The following CCDC60 variants were observed in gnomAD, a reference collection of about 807,000 sequenced individuals.
The protein encoded by CCDC60 is coiled-coil domain-containing protein 60.
A neutral mutation model predicts 63.5 loss-of-function variants in CCDC60; 54 were observed. The observed-to-expected ratio is 0.85, with a 90% confidence interval of 0.68 to 1.07. CCDC60 has a LOEUF of 1.07. Ranked by LOEUF, CCDC60 falls within the 50% of genes least tolerant of loss-of-function variation. CCDC60 has a pLI of 0.00. For synonymous variants in CCDC60, 206 were observed against 238.8 expected (o/e 0.86, Z 1.27); for missense variants, 651 against 684.3 (o/e 0.95, Z 0.54).
chr12:119,377,253 TCAAAAAA>T (rs1434950633), intron 1 of CCDC60, among the ~76,000 whole-genome samples: 26 of 32,110 alleles, frequency 8.1e-4, no homozygotes, highest in African/African-American at 2.5e-3. Flanking sequence ...ACACTCCATC[TCAAAAAA>T]AAAAAAAAAA....
intron 2 of CCDC60, among the ~76,000 whole-genome samples, chr12:119,445,056 C>G (rs1409167077): frequency 6.6e-6 from 1 of 152,104 alleles, no homozygotes; most frequent in East Asian, 1.9e-4. Flanking sequence ...CTTTACCATA[C>G]AACTGGAATA....
chr12:119,387,695 A>G (rs541721046), intron 1 of CCDC60, among the ~76,000 whole-genome samples: 26 of 152,312 alleles, frequency 1.7e-4, no homozygotes, highest in African/African-American at 6.3e-4. Flanking sequence ...ACAACTTCTT[A>G]AAACTTAAAT....
Position 119,491,489 on chromosome 12 carries a change from C to T in CCDC60, c.557+2623C>T, listed in dbSNP as rs905111947. 5.9e-5 allele frequency among the ~76,000 whole-genome samples: 9 copies of T among 152,062 alleles called. No homozygotes were observed. In the East Asian group the frequency reaches 7.7e-4, roughly 13 times the overall value. On this transcript the variant is annotated intron_variant, in intron 5 of 13. Transcript: ENST00000327554. ...GACTACAGGTGCCCGCCACCACGCC[C>T]GGCTAATTTTTTGTATTTTTAGTGG...
At position 119,531,071 on chromosome 12, in the gene CCDC60, C is replaced by A. The variant is rs557456692; in HGVS notation, c.1551+8C>A. Reference sequence around the variant, plus strand: ...ATCGCTGTGGCTATTGAGGTAAACACCACCTCCTTCCCCTCCACAGTGTTT... The same window carrying A: ...ATCGCTGTGGCTATTGAGGTAAACAACACCTCCTTCCCCTCCACAGTGTTT... On this transcript the variant is annotated splice_region_variant and intron_variant, in intron 13 of 13. Transcript: ENST00000327554. The A allele has an allele frequency of 5.0e-6, 8 of 1,610,434 alleles. No homozygotes were observed. The highest frequency in any genetic ancestry group is 6.8e-6 in the Non-Finnish European group (8 of 1,177,338).
At chr12:119,377,855 G>T (rs752695794) in intron 1 of CCDC60, among the ~76,000 whole-genome samples, 4 of 152,198 alleles carry the variant, frequency 2.6e-5, no homozygotes, top group African/African-American at 4.8e-5. Context: ...TGGCATCGTT[G>T]TCTGGGGTAA....
chr12:119,519,432 T>TCAC lies in CCDC60; in HGVS notation c.969-689_969-688insCAC, dbSNP rs1566058508. On this transcript the variant is annotated intron_variant, in intron 8 of 13. Coordinates refer to ENST00000327554, the MANE Select transcript of CCDC60 (RefSeq NM_178499.5). ...GTGTGTGTGTGTGTGTGTGTGTGTG[T>TCAC]GTGCGCGTGTGTGTGTGTGTATATA... Among the ~76,000 whole-genome samples, 483 of 129,360 alleles carry TCAC rather than the reference T, an allele frequency of 3.7e-3. 2 individuals carry two copies. Among genetic ancestry groups the TCAC allele is most frequent in the African/African-American group, 0.012 (401 of 32,766 alleles). 84.9% of individuals were successfully genotyped at this position (129,360 alleles called of 152,430 possible). A position where few individuals can be genotyped will look rare whatever the true frequency, so the allele number is the denominator to read the frequency against.
rs768918439 is a variant in CCDC60, at chr12:119,505,212, C to A, written c.792C>A (p.Pro264=). The change falls in exon 7 of 14, where the codon CCC becomes CCA. Residue 264 remains proline (P), a synonymous_variant. Transcript: ENST00000327554. ...MISVNPGSDE[P]PSVNTQVTSS... is the part of the protein sequence containing the mutation. The stretch of plus-strand genomic sequence containing the variant: ...CTGTGAACCCTGGCTCGGATGAGCC[C>A]CCAAGTGTGAACACCCAGGTGACCA... The A allele has an allele frequency of 1.9e-6, 3 of 1,613,888 alleles. No homozygotes were observed. The highest frequency in any genetic ancestry group is 1.7e-6 in the Non-Finnish European group (2 of 1,180,036).
At chr12:119,433,261 T>C (rs1950264638) in intron 2 of CCDC60, 7 of 615,188 alleles carry the variant, frequency 1.1e-5, no homozygotes, top group Non-Finnish European at 2.0e-5. Context: ...GATTAATTAT[T>C]AATAAAAGGT....
chr12:119,454,091 T>C (rs1265304534), intron 2 of CCDC60, among the ~76,000 whole-genome samples: 1 of 152,136 alleles, frequency 6.6e-6, no homozygotes, highest in Non-Finnish European at 1.5e-5. Context: ...CGAGGTAAGA[T>C]GACTCACAGA....
rs544175399 is a variant in CCDC60, at chr12:119,470,128, T to G, written c.171-1866T>G. 5.1e-4 allele frequency among the ~76,000 whole-genome samples: 78 copies of G among 152,334 alleles called. 1 individual carries two copies. The South Asian group carries it at 0.016, about 31-fold the overall frequency. The stretch of plus-strand genomic sequence containing the variant: ...AAGAGGCCATCATCAGACTCACCTT[T>G]TTGCATTTACACCTGATATTCCATC... On this transcript the variant is annotated intron_variant, in intron 2 of 13. Coordinates refer to ENST00000327554, the MANE Select transcript of CCDC60 (RefSeq NM_178499.5).
At chr12:119,483,333 C>T (rs1022162308) in intron 4 of CCDC60, among the ~76,000 whole-genome samples, 1 of 152,246 alleles carries the variant, frequency 6.6e-6, no homozygotes, top group Non-Finnish European at 1.5e-5. Context: ...TCAGTCCCTT[C>T]AGTCCCTGTG....
Position 119,421,084 on chromosome 12 carries a change from T to G in CCDC60, c.91-7599T>G, listed in dbSNP as rs963610353. 3.3e-5 allele frequency among the ~76,000 whole-genome samples: 5 copies of G among 152,324 alleles called. No homozygotes were observed. The South Asian group carries it at 8.3e-4, about 25-fold the overall frequency. On this transcript the variant is annotated intron_variant, in intron 1 of 13. Coordinates refer to ENST00000327554, the MANE Select transcript of CCDC60 (RefSeq NM_178499.5). ...CGGAGCATCCCAGCTGTTTCCCTGATGTCTGTATCAGCCCGGGCACATTTA... is the reference window on the plus strand; with the variant it reads ...CGGAGCATCCCAGCTGTTTCCCTGAGGTCTGTATCAGCCCGGGCACATTTA...
rs539859943 is a variant in CCDC60, at chr12:119,500,338, A to T, written c.648+170A>T. Among the ~76,000 whole-genome samples the T allele has an allele frequency of 5.3e-4, 80 of 152,208 alleles. 2 individuals carry two copies. In the South Asian group the frequency reaches 0.016, roughly 31 times the overall value. ...GGATGGTTTTTGTAAATTTTAATTA[A>T]AACAGTTATCTAGGGATTATAGGAG... On this transcript the variant is annotated intron_variant, in intron 6 of 13. Coordinates refer to ENST00000327554, the MANE Select transcript of CCDC60 (RefSeq NM_178499.5).
chr12:119,360,455 C>T (rs1160446609), intron 1 of CCDC60, among the ~76,000 whole-genome samples: 22 of 150,162 alleles, frequency 1.5e-4, no homozygotes, highest in South Asian at 2.1e-4. Flanking sequence ...ACTTCCCAGA[C>T]GGGGTGGCTG....
At chr12:119,480,799 A>G (rs944749815) in intron 4 of CCDC60, among the ~76,000 whole-genome samples, 1 of 147,882 alleles carries the variant, frequency 6.8e-6, no homozygotes, top group East Asian at 2.0e-4. Context: ...CATCACCACC[A>G]TCGTCACCAT....
chr12:119,529,659 T>C (rs1053832084), intron 12 of CCDC60, among the ~76,000 whole-genome samples: 7 of 152,088 alleles, frequency 4.6e-5, no homozygotes, highest in African/African-American at 1.7e-4. Flanking sequence ...TCCCAGAACA[T>C]CACTTTCTCA....
At chr12:119,339,130 T>A (rs180852607) in intron 1 of CCDC60, among the ~76,000 whole-genome samples, 2 of 152,298 alleles carry the variant, frequency 1.3e-5, no homozygotes, top group Admixed American at 6.5e-5. Flanking sequence ...GAGTCCCTTT[T>A]CCCTTTGTTT....
chr12:119,404,618 C>A (rs946657089), intron 1 of CCDC60, among the ~76,000 whole-genome samples: 1 of 152,156 alleles, frequency 6.6e-6, no homozygotes. Context: ...GAGCAAGGCA[C>A]CAAGTGTGAG....
At position 119,472,010 on chromosome 12, in the gene CCDC60, G is replaced by C; in HGVS notation, c.187G>C (p.Val63Leu). 1 of 1,613,556 alleles carries C rather than the reference G, an allele frequency of 6.2e-7. No homozygotes were observed. The part of the protein sequence containing the change: ...LIRSRFLIQS[V>L]KIGRGYFAIL... Reference sequence around the variant, plus strand: ...TGTCTCCAGCTTTTTGATCCAGTCTGTGAAGATAGGCCGTGGATATTTTGC... The same window carrying C: ...TGTCTCCAGCTTTTTGATCCAGTCTCTGAAGATAGGCCGTGGATATTTTGC... Residue 63 changes from valine (V) to leucine (L), a missense_variant, in exon 3 of 14, where the codon GTG becomes CTG. Physicochemically the swap from Val to Leu is conservative, Grantham distance 32. Coordinates refer to ENST00000327554, the MANE Select transcript of CCDC60 (RefSeq NM_178499.5).
Sources: allele counts gnomAD v4.1 joint callset (sites outside exome capture counted in the v4.1 genomes callset), GRCh38; gene constraint gnomAD v4.1.1; transcripts MANE v1.5; gene names NCBI Gene and HGNC (gene_info 2026-07-23, HGNC 2026-07-21).